PTPRN2: variants seen among roughly 807,000 people sequenced by gnomAD.
PTPRN2 encodes receptor-type tyrosine-protein phosphatase N2.
A neutral mutation model predicts 118.8 loss-of-function variants in PTPRN2; 74 were observed. That is an observed-to-expected ratio of 0.62 (90% CI 0.52 to 0.76). The LOEUF is 0.76. Ranked by LOEUF, PTPRN2 falls within the 30% of genes least tolerant of loss-of-function variation. PTPRN2 has a pLI of 0.00. For synonymous variants in PTPRN2, 641 were observed against 608.0 expected (o/e 1.05, Z -0.80); for missense variants, 1,481 against 1,394.4 (o/e 1.06, Z -0.99).
chr7:158,244,888 G>C (rs4909142), intron 3 of PTPRN2, among the ~76,000 whole-genome samples: 5,263 of 152,130 alleles, frequency 0.035, 122 homozygotes, highest in East Asian at 0.11. Context: ...CTTTTTCTCT[G>C]AGCTCAGTGT....
intron 21 of PTPRN2, among the ~76,000 whole-genome samples, chr7:157,566,916 G>T (rs952238775): frequency 6.6e-6 from 1 of 152,212 alleles, no homozygotes; most frequent in South Asian, 2.1e-4. Flanking sequence ...TCCCTGGATG[G>T]GCAGGTTCCA....
chr7:158,135,425 G>A (rs766438219), intron 8 of PTPRN2, among the ~76,000 whole-genome samples: 13 of 151,642 alleles, frequency 8.6e-5, no homozygotes, highest in Admixed American at 7.9e-4. Context: ...CTTAAATTGT[G>A]TTTCATGTGA....
intron 11 of PTPRN2, among the ~76,000 whole-genome samples, chr7:158,056,890 C>T (rs1809832578): frequency 1.3e-5 from 2 of 152,226 alleles, no homozygotes; most frequent in South Asian, 4.1e-4. Flanking sequence ...GCAGGTGCAG[C>T]TGTGCCACCC....
intron 2 of PTPRN2, among the ~76,000 whole-genome samples, chr7:158,477,110 ACACGGAGTGATGCGGT>A (rs1820331539): frequency 6.6e-6 from 1 of 152,230 alleles, no homozygotes; most frequent in Admixed American, 6.5e-5. Context: ...ACTGCCAGTC[ACACGGAGTGATGCGGT>A]CTCGTGTCTC....
chr7:158,102,834 G>A (rs1815347435), intron 10 of PTPRN2, among the ~76,000 whole-genome samples: 1 of 152,166 alleles, frequency 6.6e-6, no homozygotes, highest in Non-Finnish European at 1.5e-5. Context: ...GATGGTCTGG[G>A]GAGAAAGACA....
chr7:157,776,132 T>C, intron 12 of PTPRN2, among the ~76,000 whole-genome samples: 1 of 131,986 alleles, frequency 7.6e-6, no homozygotes, highest in Middle Eastern at 4.3e-3. Flanking sequence ...ACCTCCTCCC[T>C]CTCCTCCTCC....
In PTPRN2 at chr7:157,784,621, CCA is replaced by C. The variant is rs1803903481; in HGVS notation, c.1789-101686_1789-101685del. Reference sequence around the variant, plus strand: ...GAAACGGGCAGGGGCTGGGCTGATCCCATATGAAACGGGCAGGGGCTGGGCTG... The same window carrying C: ...GAAACGGGCAGGGGCTGGGCTGATCCTATGAAACGGGCAGGGGCTGGGCTG... On this transcript the variant is annotated intron_variant, in intron 12 of 22. Coordinates refer to ENST00000389418, the MANE Select transcript of PTPRN2 (RefSeq NM_002847.5). This position sits in a 1 kb window ranked among gnomAD's most constrained non-coding sequence, Gnocchi z 4.6. Among the ~76,000 whole-genome samples, 1 of 120,758 alleles carries C rather than the reference CCA, an allele frequency of 8.3e-6. No homozygotes were observed. Among genetic ancestry groups the C allele is most frequent in the Non-Finnish European group, 1.9e-5 (1 of 52,938 alleles). 79.2% of individuals were successfully genotyped at this position (120,758 alleles called of 152,430 possible). A position where few individuals can be genotyped will look rare whatever the true frequency, so the allele number is the denominator to read the frequency against.
At chr7:158,330,394 G>A (rs1311084521) in intron 2 of PTPRN2, among the ~76,000 whole-genome samples, 2 of 47,646 alleles carry the variant, frequency 4.2e-5, no homozygotes, top group African/African-American at 2.0e-4. Context: ...CTCACCATAA[G>A]AGCTGACACC....
At chr7:157,602,269 T>C (rs1801712726) in intron 16 of PTPRN2, among the ~76,000 whole-genome samples, 1 of 152,246 alleles carries the variant, frequency 6.6e-6, no homozygotes, top group Non-Finnish European at 1.5e-5. Flanking sequence ...ATGCTCACTG[T>C]GTGGGCCACG....
chr7:158,119,539 A>T (rs1021572053), intron 9 of PTPRN2, among the ~76,000 whole-genome samples: 3 of 152,140 alleles, frequency 2.0e-5, no homozygotes, highest in Non-Finnish European at 4.4e-5. Context: ...TATCTACAGT[A>T]GTCCCCCATT....
chr7:158,127,675 C>T (rs891454139), intron 9 of PTPRN2, among the ~76,000 whole-genome samples: 14 of 152,142 alleles, frequency 9.2e-5, no homozygotes, highest in Non-Finnish European at 1.6e-4. Flanking sequence ...CATCCCAATC[C>T]AGTGGGGTCT....
chr7:158,233,703 T>A (rs1320039890), intron 3 of PTPRN2, among the ~76,000 whole-genome samples: 1 of 152,218 alleles, frequency 6.6e-6, no homozygotes, highest in East Asian at 1.9e-4. Flanking sequence ...AGGTCTCATA[T>A]GACCTGACTT....
intron 2 of PTPRN2, among the ~76,000 whole-genome samples, chr7:158,347,191 C>G (rs982841370): frequency 1.3e-5 from 2 of 152,118 alleles, no homozygotes; most frequent in Non-Finnish European, 2.9e-5. Context: ...AATGTTATGT[C>G]ATTTTGCCCT....
chr7:158,477,999 G>A (rs1352063534), intron 2 of PTPRN2, among the ~76,000 whole-genome samples: 2 of 152,230 alleles, frequency 1.3e-5, no homozygotes, highest in African/African-American at 4.8e-5. Context: ...GGGAGAGAGC[G>A]CTGGTCAGCG....
intron 11 of PTPRN2, among the ~76,000 whole-genome samples, chr7:157,968,800 G>GA (rs1342343926): frequency 6.6e-6 from 1 of 151,994 alleles, no homozygotes; most frequent in East Asian, 1.9e-4. Context: ...AGAAGATGCT[G>GA]AAAAAAAAGA....
At chr7:158,162,327 A>G (rs935234995) in intron 6 of PTPRN2, among the ~76,000 whole-genome samples, 3 of 152,226 alleles carry the variant, frequency 2.0e-5, no homozygotes, top group African/African-American at 7.2e-5. Flanking sequence ...TTGCCAATAC[A>G]TGGAAGCAAC....
chr7:158,187,885 G>C (rs1309980076), intron 5 of PTPRN2, among the ~76,000 whole-genome samples: 3 of 152,164 alleles, frequency 2.0e-5, no homozygotes, highest in Admixed American at 6.5e-5. Context: ...GAGATTCCAA[G>C]GTGACACAGC....
chr7:158,306,855 GTTTTTTTTT>G (rs61276074), intron 3 of PTPRN2, among the ~76,000 whole-genome samples: 14 of 121,418 alleles, frequency 1.2e-4, no homozygotes, highest in African/African-American at 3.5e-4. Context: ...GCTGTTTTTT[GTTTTTTTTT>G]TTTTTTTTTT....
Position 157,587,584 on chromosome 7 carries a change from A to G in PTPRN2, c.2496+7654T>C, listed in dbSNP as rs191315976. Among the ~76,000 whole-genome samples, 166 of 152,380 alleles carry G rather than the reference A, an allele frequency of 1.1e-3. 1 individual carries two copies. The highest frequency in any genetic ancestry group is 3.8e-3 in the African/African-American group (158 of 41,602). ...TCATCACAGAATACTTTTAGAAAGC[A>G]GAAACTAGAAATTGAAAGTGCACCT... On this transcript the variant is annotated intron_variant, in intron 17 of 22. Coordinates refer to ENST00000389418, the MANE Select transcript of PTPRN2 (RefSeq NM_002847.5). This position sits in a 1 kb window ranked among gnomAD's most constrained non-coding sequence, Gnocchi z 5.3.
Sources: gnomAD v4.1 joint callset for allele counts (sites outside exome capture counted in the v4.1 genomes callset) on GRCh38, gnomAD v4.1.1 for gene constraint, Gnocchi (gnomAD v3.1) non-coding constraint, MANE v1.5 for transcripts, NCBI Gene and HGNC (gene_info 2026-07-23, HGNC 2026-07-21) for gene names.